LOXL2: variants seen among roughly 807,000 people sequenced by gnomAD.
LOXL2 encodes lysyl oxidase like 2.
LOXL2 carries 70 observed loss-of-function variants against 93.0 expected under a neutral mutation model. The ratio of observed to expected loss-of-function variants is 0.75; its 90% confidence interval spans 0.62 to 0.92. The LOEUF (loss-of-function observed/expected upper bound fraction) is 0.92, where lower values mean the gene tolerates loss of function less well. Among genes scored for constraint, LOXL2 ranks in the 40% least tolerant of loss-of-function variants. The probability of loss-of-function intolerance (pLI) is 0.00; values close to 1 mark genes in which losing one functional copy is unlikely to be tolerated. For synonymous variants in LOXL2, 438 were observed against 413.2 expected, an observed-to-expected ratio of 1.06 and a Z score of -0.73; for missense variants, 973 against 1,054.9, an observed-to-expected ratio of 0.92 and a Z score of 1.08.
chr8:23,343,134 C>T (rs1199315439), intron 3 of LOXL2, among the ~76,000 whole-genome samples: 8 of 152,178 alleles, frequency 5.3e-5, no homozygotes, highest in Non-Finnish European at 8.8e-5. Flanking sequence ...AAGATGCTCT[C>T]GGCCATTCAG....
intron 1 of LOXL2, among the ~76,000 whole-genome samples, chr8:23,396,319 AAAACAAACAAACAAAC>A (rs71548892): frequency 1.1e-4 from 16 of 150,424 alleles, no homozygotes; most frequent in Non-Finnish European, 1.6e-4. Context: ...CTCAGTCTCA[AAAACAAACAAACAAAC>A]AAACAAACAA....
intron 5 of LOXL2, among the ~76,000 whole-genome samples, chr8:23,329,885 T>C (rs1803643517): frequency 6.6e-6 from 1 of 152,172 alleles, no homozygotes; most frequent in Non-Finnish European, 1.5e-5. Context: ...CAATTGTACC[T>C]TGGGGCTGGC....
chr8:23,322,036 G>A (rs766110472), intron 7 of LOXL2, 94 bp downstream of exon 7: 68 of 1,341,222 alleles, frequency 5.1e-5, no homozygotes, highest in Non-Finnish European at 7.1e-5. Flanking sequence ...ACTAGCAGCA[G>A]CACCTGGTCA....
chr8:23,377,709 CTT>C (rs1453325358), intron 1 of LOXL2, among the ~76,000 whole-genome samples: 5 of 152,072 alleles, frequency 3.3e-5, no homozygotes, highest in Non-Finnish European at 7.4e-5. Context: ...TTCTTTATCT[CTT>C]TTGATCTTTG....
At chr8:23,307,345 G>A (rs1803245283) in intron 10 of LOXL2, among the ~76,000 whole-genome samples, 1 of 152,160 alleles carries the variant, frequency 6.6e-6, no homozygotes, top group Non-Finnish European at 1.5e-5. Flanking sequence ...CCAGGAGGGG[G>A]AGACCAGAAG....
chr8:23,297,932 G>A lies in LOXL2; in HGVS notation c.*111C>T, dbSNP rs1271925198. 1.3e-5 allele frequency: 11 copies of A among 828,164 alleles called. No homozygotes were observed. Among genetic ancestry groups the A allele is most frequent in the Non-Finnish European group, 2.2e-5 (11 of 499,248 alleles). 51.3% of individuals were successfully genotyped at this position (828,164 alleles called of 1,614,324 possible). A position where few individuals can be genotyped will look rare whatever the true frequency, so the allele number is the denominator to read the frequency against. On this transcript the variant is annotated 3_prime_UTR_variant, in exon 14 of 14. Transcript: ENST00000389131. ...AGCTGTAGGGGTCTGGACAGGGTGGGGGCCGGGCTGGGTGAGGGCACGTGG... is the reference window on the plus strand; with the variant it reads ...AGCTGTAGGGGTCTGGACAGGGTGGAGGCCGGGCTGGGTGAGGGCACGTGG...
chr8:23,325,252 G>C (rs1803560516), intron 6 of LOXL2, among the ~76,000 whole-genome samples: 1 of 152,072 alleles, frequency 6.6e-6, no homozygotes, highest in African/African-American at 2.4e-5. Flanking sequence ...TAAAATTGTG[G>C]CTACTAGAAA....
chr8:23,389,667 C>T (rs1243774948), intron 1 of LOXL2, among the ~76,000 whole-genome samples: 1 of 152,182 alleles, frequency 6.6e-6, no homozygotes, highest in Admixed American at 6.5e-5. Flanking sequence ...GGACATCATG[C>T]TTTTAGATTT....
chr8:23,383,189 C>T (rs532029254), intron 1 of LOXL2, among the ~76,000 whole-genome samples: 5 of 152,278 alleles, frequency 3.3e-5, no homozygotes, highest in Admixed American at 2.0e-4. Flanking sequence ...AACTTACTGG[C>T]GCCAGGGCTT....
intron 4 of LOXL2, 113 bp from the exon 5 acceptor site, chr8:23,333,736 G>T: frequency 2.5e-6 from 2 of 815,806 alleles, no homozygotes; most frequent in Non-Finnish European, 1.9e-6. Context: ...GCTCAGCCCT[G>T]CTTCACAGAG....
At chr8:23,315,094 C>T (rs1803373434) in intron 9 of LOXL2, among the ~76,000 whole-genome samples, 1 of 152,154 alleles carries the variant, frequency 6.6e-6, no homozygotes, top group African/African-American at 2.4e-5. Context: ...GAGGGGAAGC[C>T]ACCGCAGGGC....
At position 23,322,234 on chromosome 8, in the gene LOXL2, T is replaced by C; in HGVS notation, c.1198A>G (p.Lys400Glu). The change falls in exon 7 of 14, where the codon AAG becomes GAG. Residue 400 changes from lysine (K) to glutamate (E), a missense_variant. By Grantham distance (56) the Lys-to-Glu change is moderately conservative. Coordinates refer to ENST00000389131, the MANE Select transcript of LOXL2 (RefSeq NM_002318.3). ...LNEIQCTGNE[K>E]SIIDCKFNAE... ...TTGAACTTGCAGTCTATAATGGACT[T>C]CTCATTGCCTGTGCACTGGATCTCG... 2 of 1,614,182 alleles carry C rather than the reference T, an allele frequency of 1.2e-6. No individual in the cohort carries two copies. The highest frequency in any genetic ancestry group is 2.2e-5 in the East Asian group (1 of 44,892).
intron 1 of LOXL2, among the ~76,000 whole-genome samples, chr8:23,369,256 C>T (rs765806795): frequency 1.3e-5 from 2 of 152,188 alleles, no homozygotes; most frequent in African/African-American, 2.4e-5. Context: ...TCCTGGTCAT[C>T]GTATCTGGTG....
chr8:23,304,173 G>A (rs1237039958), intron 10 of LOXL2, among the ~76,000 whole-genome samples: 1 of 152,268 alleles, frequency 6.6e-6, no homozygotes, highest in African/African-American at 2.4e-5. Context: ...CCAGAAAAGA[G>A]TTCTGCAGGA....
intron 10 of LOXL2, among the ~76,000 whole-genome samples, chr8:23,308,140 TCCCTAGGC>T (rs1027614352): frequency 6.6e-5 from 10 of 152,114 alleles, no homozygotes; most frequent in African/African-American, 2.4e-4. Flanking sequence ...GAACGAAGGT[TCCCTAGGC>T]CTGACACTTA....
chr8:23,359,481 C>T (rs1804253603), intron 3 of LOXL2, among the ~76,000 whole-genome samples: 1 of 152,202 alleles, frequency 6.6e-6, no homozygotes, highest in Non-Finnish European at 1.5e-5. Flanking sequence ...CAGAGGGCTG[C>T]AGTCTACAGC....
chr8:23,345,821 C>T (rs534431260), intron 3 of LOXL2, among the ~76,000 whole-genome samples: 3 of 152,266 alleles, frequency 2.0e-5, no homozygotes, highest in African/African-American at 7.2e-5. Flanking sequence ...GTAATCCCAG[C>T]ACTTTGGGAG....
intron 8 of LOXL2, among the ~76,000 whole-genome samples, chr8:23,317,814 G>A (rs562248007): frequency 3.3e-5 from 5 of 152,216 alleles, no homozygotes; most frequent in South Asian, 4.2e-4. Context: ...AATTGGGATC[G>A]TCAGGTACAG....
Position 23,328,579 on chromosome 8 carries a change from CG to C in LOXL2, c.967-15del. ...CACCAGGGGTTGCTGAAGAGACACA[CG>C]GTCCTGCTGAGTACAGACGCTGATG... On this transcript the variant is annotated splice_polypyrimidine_tract_variant and intron_variant, in intron 5 of 13. Transcript: ENST00000389131. 6.2e-7 allele frequency: 1 copy of C among 1,613,038 alleles called. No homozygotes were observed. The highest frequency in any genetic ancestry group is 8.5e-7 in the Non-Finnish European group (1 of 1,179,810).
Sources: allele counts gnomAD v4.1 joint callset (sites outside exome capture counted in the v4.1 genomes callset), GRCh38; gene constraint gnomAD v4.1.1; transcripts MANE v1.5; gene names NCBI Gene and HGNC (gene_info 2026-07-23, HGNC 2026-07-21).